WDR89: variants seen among roughly 807,000 people sequenced by gnomAD.
WDR89 encodes the protein WD repeat domain 89.
In WDR89, 17 loss-of-function variants were observed where a neutral mutation model predicts 29.1. The ratio of observed to expected loss-of-function variants is 0.58; its 90% CI spans 0.40 to 0.88. The LOEUF is 0.88. Among genes scored for constraint, WDR89 ranks in the 40% least tolerant of loss-of-function variants. The probability of loss-of-function intolerance (pLI) is 0.00; values close to 1 mark genes in which losing one functional copy is unlikely to be tolerated. For synonymous variants in WDR89, 138 were observed against 157.8 expected, an observed-to-expected ratio of 0.87 and a Z score of 0.94; for missense variants, 396 against 456.3, an observed-to-expected ratio of 0.87 and a Z score of 1.20.
At chr14:63,620,004 C>CAAAAAAAAAAA (rs71120271) in intron 2 of WDR89, among the ~76,000 whole-genome samples, 5 of 72,430 alleles carry the variant, frequency 6.9e-5, no homozygotes, top group Admixed American at 1.6e-4. Context: ...GACTCCATCT[C>CAAAAAAAAAAA]AAAAAAAAAA....
intron 2 of WDR89, among the ~76,000 whole-genome samples, chr14:63,616,380 G>C (rs1009774440): frequency 6.6e-5 from 10 of 152,092 alleles, no homozygotes; most frequent in African/African-American, 2.4e-4. Context: ...ATGCAGGACA[G>C]GATAGAAGGA....
chr14:63,640,363 G>A (rs1884025868), intron 1 of WDR89, among the ~76,000 whole-genome samples: 2 of 152,210 alleles, frequency 1.3e-5, no homozygotes, highest in Non-Finnish European at 2.9e-5. Flanking sequence ...TTATACAGGT[G>A]AAAAAGCTGA....
At chr14:63,638,192 G>T (rs1171497548) in intron 1 of WDR89, among the ~76,000 whole-genome samples, 2 of 151,954 alleles carry the variant, frequency 1.3e-5, no homozygotes, top group African/African-American at 4.8e-5. Context: ...TAATCCACCC[G>T]CCTCGGCCTC....
chr14:63,637,292 G>C (rs994718508), intron 1 of WDR89, among the ~76,000 whole-genome samples: 1 of 152,172 alleles, frequency 6.6e-6, no homozygotes, highest in Non-Finnish European at 1.5e-5. Flanking sequence ...GGTAAACAGG[G>C]AACACTTCCG....
chr14:63,625,031 T>C lies in WDR89; in HGVS notation c.-135A>G, dbSNP rs2139550630. 6.6e-6 allele frequency: 1 copy of C among 151,634 alleles called. No individual in the cohort carries two copies. Among genetic ancestry groups the C allele is most frequent in the African/African-American group, 2.4e-5 (1 of 41,318 alleles). 9.4% of individuals were successfully genotyped at this position (151,634 alleles called of 1,614,324 possible). On this transcript the variant is annotated splice_region_variant and 5_prime_UTR_variant, in exon 2 of 3. Coordinates refer to ENST00000620954, the MANE Select transcript of WDR89 (RefSeq NM_080666.4). Reference sequence around the variant, plus strand: ...CACTATTTTATTTATAATAGCCAAATACCTAGAAAAAAACAGAAATACGGG... The same window carrying C: ...CACTATTTTATTTATAATAGCCAAACACCTAGAAAAAAACAGAAATACGGG...
chr14:63,613,283 G>A (rs1261434568), intron 2 of WDR89, among the ~76,000 whole-genome samples: 2 of 152,000 alleles, frequency 1.3e-5, no homozygotes, highest in Admixed American at 6.6e-5. Flanking sequence ...AAATCTGCTT[G>A]CAGAGGTGGC....
chr14:63,607,658 G>C (rs575449685), intron 2 of WDR89, among the ~76,000 whole-genome samples: 10 of 152,000 alleles, frequency 6.6e-5, no homozygotes, highest in Admixed American at 5.9e-4. Flanking sequence ...GAGGCAGGCA[G>C]ATCACCTGAG....
intron 1 of WDR89, among the ~76,000 whole-genome samples, chr14:63,628,952 A>C (rs2139561710): frequency 6.6e-6 from 1 of 152,232 alleles, no homozygotes; most frequent in East Asian, 1.9e-4. Context: ...AAAAAAACAA[A>C]AAACAAAAAA....
intron 1 of WDR89, among the ~76,000 whole-genome samples, chr14:63,637,737 T>C (rs570665324): frequency 6.6e-6 from 1 of 151,958 alleles, no homozygotes; most frequent in Non-Finnish European, 1.5e-5. Context: ...CTCACTGATA[T>C]GTGGGAGCTA....
At chr14:63,641,425 T>C (rs1384238998) in intron 1 of WDR89, 2 of 152,260 alleles carry the variant, frequency 1.3e-5, no homozygotes, top group African/African-American at 2.4e-5. Context: ...AGGATTATAC[T>C]AAACCCTTTT....
At chr14:63,621,412 A>G (rs1007260915) in intron 2 of WDR89, among the ~76,000 whole-genome samples, 3 of 152,094 alleles carry the variant, frequency 2.0e-5, no homozygotes, top group Admixed American at 2.0e-4. Context: ...AGCCTGACCA[A>G]CATGGTGAAA....
At chr14:63,617,137 A>G (rs1187368440) in intron 2 of WDR89, among the ~76,000 whole-genome samples, 4 of 145,028 alleles carry the variant, frequency 2.8e-5, no homozygotes, top group Admixed American at 2.1e-4. Flanking sequence ...CTGGAGCACA[A>G]TGGCGCGATC....
At position 63,599,674 on chromosome 14, in the gene WDR89, G is replaced by A; in HGVS notation, c.269C>T (p.Thr90Ile). 1 of 1,614,188 alleles carries A rather than the reference G, an allele frequency of 6.2e-7. No individual in the cohort carries two copies. Among genetic ancestry groups the A allele is most frequent in the Non-Finnish European group, 8.5e-7 (1 of 1,180,034 alleles). The change falls in exon 3 of 3, where the codon ACT (threonine) becomes ATT (isoleucine). Residue 90 changes from threonine (T) to isoleucine (I), a missense_variant. Transcript: ENST00000620954. ...ATCCCAGCATTTCACAGTGCCATCAGTACATGCTGAATATACACTGTCACA... is the reference window on the plus strand; with the variant it reads ...ATCCCAGCATTTCACAGTGCCATCAATACATGCTGAATATACACTGTCACA... ...NSCDSVYSAC[T>I]DGTVKCWDAR...
At chr14:63,617,143 C>T (rs1381769106) in intron 2 of WDR89, among the ~76,000 whole-genome samples, 1 of 145,976 alleles carries the variant, frequency 6.9e-6, no homozygotes, top group Admixed American at 7.0e-5. Context: ...CACAATGGCG[C>T]GATCTCGGCT....
intron 1 of WDR89, among the ~76,000 whole-genome samples, chr14:63,638,872 T>C (rs997040870): frequency 4.6e-5 from 7 of 152,160 alleles, no homozygotes; most frequent in Non-Finnish European, 1.0e-4. Context: ...GATACAAAGG[T>C]CTTAATTCCT....
At chr14:63,601,820 G>A (rs1895078397) in intron 2 of WDR89, 1 of 1,009,824 alleles carries the variant, frequency 9.9e-7, no homozygotes, top group Admixed American at 1.7e-5. Flanking sequence ...ACTGAAATAA[G>A]TCACTATTGA....
At chr14:63,615,610 T>C (rs1882250772) in intron 2 of WDR89, among the ~76,000 whole-genome samples, 1 of 152,148 alleles carries the variant, frequency 6.6e-6, no homozygotes, top group South Asian at 2.1e-4. Flanking sequence ...TGCTCTAAAG[T>C]TCTTAAGAAT....
At chr14:63,630,592 A>G (rs558355925) in intron 1 of WDR89, 1 of 151,886 alleles carries the variant, frequency 6.6e-6, no homozygotes, top group South Asian at 2.1e-4. Flanking sequence ...GCAGTGAGCC[A>G]AGATTGTGTC....
chr14:63,625,782 T>C (rs866735445), intron 1 of WDR89, among the ~76,000 whole-genome samples: 2 of 152,102 alleles, frequency 1.3e-5, no homozygotes, highest in Admixed American at 6.6e-5. Context: ...CTATTTTAAC[T>C]GCTCATTGTA....
Sources: gnomAD v4.1 joint callset for allele counts (sites outside exome capture counted in the v4.1 genomes callset) on GRCh38, gnomAD v4.1.1 for gene constraint, MANE v1.5 for transcripts, NCBI Gene and HGNC (gene_info 2026-07-23, HGNC 2026-07-21) for gene names.